CWC27: variants seen among roughly 807,000 people sequenced by gnomAD.
CWC27 encodes the protein CWC27 spliceosome associated cyclophilin.
CWC27 carries 47 observed loss-of-function variants against 63.6 expected under a neutral mutation model. The ratio of observed to expected loss-of-function variants is 0.74; its 90% CI spans 0.58 to 0.94. The LOEUF is 0.94. Among genes scored for constraint, CWC27 ranks in the 40% least tolerant of loss-of-function variants. The pLI is 0.00. For missense variants in CWC27, 495 were observed against 554.3 expected, an observed-to-expected ratio of 0.89 and a Z score of 1.07; for synonymous variants, 175 against 179.8, an observed-to-expected ratio of 0.97 and a Z score of 0.22.
chr5:64,936,502 C>T (rs539655869), intron 11 of CWC27, among the ~76,000 whole-genome samples: 3 of 152,260 alleles, frequency 2.0e-5, no homozygotes, highest in East Asian at 3.9e-4. Context: ...TTTGGTTTGC[C>T]AGTATCTTAT....
At chr5:64,908,034 T>C (rs1202869490) in intron 11 of CWC27, among the ~76,000 whole-genome samples, 1 of 152,238 alleles carries the variant, frequency 6.6e-6, no homozygotes, top group African/African-American at 2.4e-5. Context: ...GTGCTATAAA[T>C]TTCCCTCTAC....
intron 11 of CWC27, among the ~76,000 whole-genome samples, chr5:64,957,935 T>G (rs1005515499): frequency 8.5e-5 from 13 of 152,188 alleles, no homozygotes; most frequent in African/African-American, 3.1e-4. Flanking sequence ...AATTGATTTT[T>G]AGTATAATAC....
At chr5:64,797,306 A>C (rs62369290) in intron 7 of CWC27, among the ~76,000 whole-genome samples, 50,304 of 151,974 alleles carry the variant, frequency 0.33, 8,624 homozygotes, top group East Asian at 0.51. Flanking sequence ...TCATTAAGAA[A>C]GAATAGGCAT....
intron 9 of CWC27, among the ~76,000 whole-genome samples, chr5:64,803,011 G>T (rs1744540279): frequency 6.6e-6 from 1 of 152,156 alleles, no homozygotes; most frequent in African/African-American, 2.4e-5. Flanking sequence ...GGAAGGCCTA[G>T]GTTGGTGGTT....
At position 64,891,946 on chromosome 5, in the gene CWC27, C is replaced by T. The variant is rs116924120; in HGVS notation, c.1042+6400C>T. Among the ~76,000 whole-genome samples the T allele has an allele frequency of 1.1e-3, 160 of 152,158 alleles. 3 individuals carry two copies. In the East Asian group the frequency reaches 0.028, roughly 27 times the overall value. On this transcript the variant is annotated intron_variant, in intron 11 of 13. Transcript: ENST00000381070. ...AGTAGCTGGAATTACAGGCACGCAC[C>T]GCCACACCTGGCTGACTTTTTTATT... is the stretch of plus-strand genomic sequence containing the variant.
At chr5:65,006,138 C>T (rs1749837220) in intron 13 of CWC27, among the ~76,000 whole-genome samples, 1 of 152,050 alleles carries the variant, frequency 6.6e-6, no homozygotes, top group South Asian at 2.1e-4. Flanking sequence ...AACAATTATC[C>T]AGACACTATT....
chr5:64,809,141 T>A, intron 10 of CWC27, among the ~76,000 whole-genome samples: 1 of 152,138 alleles, frequency 6.6e-6, no homozygotes, highest in East Asian at 1.9e-4. Context: ...TTCTAACCTT[T>A]AAAACAATAT....
intron 13 of CWC27, among the ~76,000 whole-genome samples, chr5:64,981,510 A>G (rs1251002217): frequency 6.6e-6 from 1 of 152,344 alleles, no homozygotes; most frequent in East Asian, 1.9e-4. Flanking sequence ...CAATGCTGTA[A>G]CATCCTTGTT....
intron 11 of CWC27, among the ~76,000 whole-genome samples, chr5:64,925,565 T>C (rs1250704610): frequency 2.6e-5 from 4 of 152,216 alleles, no homozygotes; most frequent in African/African-American, 9.6e-5. Context: ...TTAAAGGCTC[T>C]TATTGGCCAG....
chr5:64,885,304 A>G, intron 10 of CWC27, 139 bp from the exon 11 acceptor site: 8 of 559,800 alleles, frequency 1.4e-5, no homozygotes, highest in Non-Finnish European at 2.2e-5. Context: ...GCACAAGTAT[A>G]CATACACAGA....
intron 11 of CWC27, among the ~76,000 whole-genome samples, chr5:64,963,446 T>C (rs770077268): frequency 1.9e-4 from 29 of 152,208 alleles, no homozygotes; most frequent in Non-Finnish European, 3.5e-4. Flanking sequence ...ATTAGTGAAC[T>C]GAAATACAGA....
chr5:64,973,449 A>G (rs1179380049), intron 12 of CWC27, among the ~76,000 whole-genome samples: 1 of 152,200 alleles, frequency 6.6e-6, no homozygotes, highest in Non-Finnish European at 1.5e-5. Context: ...TAGCTTCTAC[A>G]TTCTGGGAAG....
chr5:64,990,275 T>G (rs1396757865), intron 13 of CWC27, among the ~76,000 whole-genome samples: 1 of 83,160 alleles, frequency 1.2e-5, no homozygotes, highest in Non-Finnish European at 2.6e-5. Context: ...TGTTTTTTTT[T>G]TTTTTTTGAG....
chr5:64,848,565 G>A (rs1339811904), intron 10 of CWC27, among the ~76,000 whole-genome samples: 1 of 152,120 alleles, frequency 6.6e-6, no homozygotes, highest in Non-Finnish European at 1.5e-5. Context: ...TATTCGTGAT[G>A]AGCATAGATG....
intron 11 of CWC27, among the ~76,000 whole-genome samples, chr5:64,923,698 T>C (rs1748046365): frequency 1.3e-5 from 2 of 150,638 alleles, no homozygotes; most frequent in African/African-American, 4.9e-5. Flanking sequence ...ATTTACTGAG[T>C]TTTGAAAAGA....
intron 10 of CWC27, among the ~76,000 whole-genome samples, chr5:64,835,108 TTTTA>T (rs1745625617): frequency 6.6e-6 from 1 of 151,802 alleles, no homozygotes. Context: ...ATAAGGGTAA[TTTTA>T]TTTATTTTTG....
intron 2 of CWC27, among the ~76,000 whole-genome samples, chr5:64,775,642 A>G (rs1473746751): frequency 2.6e-5 from 4 of 152,088 alleles, no homozygotes; most frequent in Admixed American, 6.6e-5. Flanking sequence ...ATCCAGTGAT[A>G]TTATTATCAA....
chr5:64,816,419 C>T (rs959892787), intron 10 of CWC27, among the ~76,000 whole-genome samples: 1 of 152,052 alleles, frequency 6.6e-6, no homozygotes, highest in East Asian at 1.9e-4. Context: ...TAAGTATGGT[C>T]GTATGACCAA....
intron 10 of CWC27, among the ~76,000 whole-genome samples, chr5:64,881,461 TA>T (rs1352249339): frequency 3.3e-5 from 5 of 152,132 alleles, no homozygotes; most frequent in Non-Finnish European, 7.4e-5. Flanking sequence ...TCATTTATAA[TA>T]AATAATAAAG....
Sources: gnomAD v4.1 joint callset for allele counts (sites outside exome capture counted in the v4.1 genomes callset) on GRCh38, gnomAD v4.1.1 for gene constraint, MANE v1.5 for transcripts, NCBI Gene and HGNC (gene_info 2026-07-23, HGNC 2026-07-21) for gene names.